Variants in KCNIP4 observed in about 807,000 individuals in gnomAD.
KCNIP4 encodes the protein potassium voltage-gated channel interacting protein 4, also known as Kv channel-interacting protein 4.
Under a neutral mutation model 34.0 loss-of-function variants are expected in KCNIP4, and 12 were observed. That is an observed-to-expected ratio of 0.35 (90% CI 0.23 to 0.57). KCNIP4 has a LOEUF of 0.57. Among genes scored for constraint, KCNIP4 ranks in the 20% least tolerant of loss-of-function variants. KCNIP4 has a pLI of 0.83. For synonymous variants in KCNIP4, 124 were observed against 102.2 expected, an observed-to-expected ratio of 1.21 and a Z score of -1.29; for missense variants, 238 against 311.7, an observed-to-expected ratio of 0.76 and a Z score of 1.78.
At chr4:21,030,163 A>G (rs1740892322) in intron 1 of KCNIP4, among the ~76,000 whole-genome samples, 3 of 152,120 alleles carry the variant, frequency 2.0e-5, no homozygotes, top group Admixed American at 6.5e-5. Context: ...GCAGCTCCCC[A>G]TGGCTTGCAT....
chr4:21,254,479 G>A (rs1213289208), intron 1 of KCNIP4, among the ~76,000 whole-genome samples: 3 of 152,026 alleles, frequency 2.0e-5, no homozygotes, highest in African/African-American at 7.2e-5. Flanking sequence ...AATAGGGCAC[G>A]GTTATGCATT....
chr4:21,929,448 A>G lies in KCNIP4; in HGVS notation c.61+19123T>C, dbSNP rs114134602. Among the ~76,000 whole-genome samples, 1,271 of 152,202 alleles carry G rather than the reference A, an allele frequency of 8.4e-3. 20 individuals carry two copies. The highest frequency in any genetic ancestry group is 0.029 in the African/African-American group (1,216 of 41,532). On this transcript the variant is annotated intron_variant, in intron 1 of 8. Transcript: ENST00000382152. Reference sequence around the variant, plus strand: ...TAAGTAGTTAAAATTGAAATAGCCAATTGCATCATGTGTCTATATGGCATA... The same window carrying G: ...TAAGTAGTTAAAATTGAAATAGCCAGTTGCATCATGTGTCTATATGGCATA...
rs546102840 is a variant in KCNIP4, at chr4:21,140,458, T to C, written c.62-257749A>G. Among the ~76,000 whole-genome samples, 156 of 152,268 alleles carry C rather than the reference T, an allele frequency of 1.0e-3. 1 individual carries two copies. The South Asian group carries it at 0.031, about 31-fold the overall frequency. The stretch of plus-strand genomic sequence containing the variant: ...TAGAGTACTTAATTAACTAATTAAC[T>C]AATGCATCTAAAAGGATTGCACAAT... On this transcript the variant is annotated intron_variant, in intron 1 of 8. Coordinates refer to ENST00000382152, the MANE Select transcript of KCNIP4 (RefSeq NM_025221.6).
intron 1 of KCNIP4, among the ~76,000 whole-genome samples, chr4:21,385,308 C>A (rs1721920880): frequency 6.6e-6 from 1 of 152,108 alleles, no homozygotes; most frequent in African/African-American, 2.4e-5. Context: ...AAGACAGAAC[C>A]ACCAGCAGGA....
At chr4:21,626,782 T>A (rs867874730) in intron 1 of KCNIP4, among the ~76,000 whole-genome samples, 1 of 152,128 alleles carries the variant, frequency 6.6e-6, no homozygotes, top group South Asian at 2.1e-4. Flanking sequence ...TGGGTTCTTT[T>A]TTCCCATTGA....
At chr4:21,567,532 T>C (rs1029625852) in intron 1 of KCNIP4, among the ~76,000 whole-genome samples, 4 of 152,134 alleles carry the variant, frequency 2.6e-5, no homozygotes, top group Non-Finnish European at 5.9e-5. Context: ...GTATACATAA[T>C]AAAAATTTAA....
At chr4:20,878,040 C>T (rs1389022579) in intron 2 of KCNIP4, among the ~76,000 whole-genome samples, 1 of 151,954 alleles carries the variant, frequency 6.6e-6, no homozygotes, top group Non-Finnish European at 1.5e-5. Flanking sequence ...TAAGAGCTCC[C>T]TCAATCAATA....
At chr4:21,751,663 A>G (rs7688144) in intron 1 of KCNIP4, among the ~76,000 whole-genome samples, 13,335 of 152,166 alleles carry the variant, frequency 0.088, 1,969 homozygotes, top group African/African-American at 0.31. Context: ...TTTTTATCTC[A>G]AAAAGAGACA....
intron 1 of KCNIP4, among the ~76,000 whole-genome samples, chr4:21,503,747 T>C (rs1229066111): frequency 6.6e-6 from 1 of 152,162 alleles, no homozygotes; most frequent in Non-Finnish European, 1.5e-5. Context: ...GGGACATAGT[T>C]TAGCATTAAT....
At chr4:21,573,369 T>C (rs746493116) in intron 1 of KCNIP4, among the ~76,000 whole-genome samples, 4 of 152,106 alleles carry the variant, frequency 2.6e-5, no homozygotes, top group African/African-American at 9.7e-5. Flanking sequence ...AATTTTCTGT[T>C]TTCATGCTCC....
intron 2 of KCNIP4, among the ~76,000 whole-genome samples, chr4:20,872,639 G>T (rs1401240832): frequency 1.3e-5 from 2 of 152,026 alleles, no homozygotes; most frequent in African/African-American, 2.4e-5. Flanking sequence ...AGGTTGTATA[G>T]CTCCTACGAG....
At chr4:21,356,435 A>G (rs1279978630) in intron 1 of KCNIP4, among the ~76,000 whole-genome samples, 2 of 152,160 alleles carry the variant, frequency 1.3e-5, no homozygotes, top group Non-Finnish European at 2.9e-5. Context: ...TCAGCCCAAA[A>G]TCTCCTTAAG....
At chr4:21,615,533 G>A (rs1168595225) in intron 1 of KCNIP4, among the ~76,000 whole-genome samples, 6 of 150,456 alleles carry the variant, frequency 4.0e-5, no homozygotes, top group East Asian at 4.0e-4. Context: ...GCTACAGGGC[G>A]AGACTCCGCC....
At chr4:21,662,336 C>T (rs1252561614) in intron 1 of KCNIP4, among the ~76,000 whole-genome samples, 1 of 152,068 alleles carries the variant, frequency 6.6e-6, no homozygotes, top group East Asian at 1.9e-4. Flanking sequence ...AAAAAATGTC[C>T]AAAGTCACAC....
intron 1 of KCNIP4, among the ~76,000 whole-genome samples, chr4:21,420,852 G>T (rs1202373219): frequency 6.6e-6 from 1 of 152,174 alleles, no homozygotes; most frequent in African/African-American, 2.4e-5. Context: ...TGAGTGAAGA[G>T]ACAGCCTATG....
intron 1 of KCNIP4, among the ~76,000 whole-genome samples, chr4:21,823,812 G>A (rs1222078113): frequency 6.6e-6 from 1 of 152,004 alleles, no homozygotes; most frequent in Non-Finnish European, 1.5e-5. Flanking sequence ...ATCCCTCTTG[G>A]TAAATCACAC....
rs11382765 is a variant in KCNIP4 at position 20,818,920 on chromosome 4, C to CTTT, written c.288+31620_288+31622dup. Among the ~76,000 whole-genome samples, 971 of 104,920 alleles carry CTTT rather than the reference C, an allele frequency of 9.3e-3. 3 individuals are homozygous for CTTT. The highest frequency in any genetic ancestry group is 0.011 in the African/African-American group (290 of 26,244). 68.8% of individuals were successfully genotyped at this position (104,920 alleles called of 152,430 possible). On this transcript the variant is annotated intron_variant, in intron 3 of 8. Coordinates refer to ENST00000382152, the MANE Select transcript of KCNIP4 (RefSeq NM_025221.6). ...GCTAGTCATTCTATATATATTATCTCTTTTTTTTTTTTTTTTTTTTTTGAG... is the reference window on the plus strand; with the variant it reads ...GCTAGTCATTCTATATATATTATCTCTTTTTTTTTTTTTTTTTTTTTTTTTGAG...
rs1290260484 is a variant in KCNIP4, at chr4:21,714,986, T to C, written c.61+233585A>G. 1.1e-3 allele frequency among the ~76,000 whole-genome samples: 2 copies of C among 1,784 alleles called. 1 individual carries two copies. Among genetic ancestry groups the C allele is most frequent in the Non-Finnish European group, 1.3e-3 (2 of 1,486 alleles). 1.2% of individuals were successfully genotyped at this position (1,784 alleles called of 152,430 possible). On this transcript the variant is annotated intron_variant, in intron 1 of 8. Coordinates refer to ENST00000382152, the MANE Select transcript of KCNIP4 (RefSeq NM_025221.6). ...TTTATTTTATTTTATTTTATTTTAT[T>C]TTATTTTATTTTATTTTATTTTATT...
At chr4:21,757,506 A>G (rs918104519) in intron 1 of KCNIP4, among the ~76,000 whole-genome samples, 5 of 152,130 alleles carry the variant, frequency 3.3e-5, no homozygotes, top group African/African-American at 1.2e-4. Flanking sequence ...CCTCCTCTCT[A>G]TATGCAATTT....
Sources: allele counts gnomAD v4.1 joint callset (sites outside exome capture counted in the v4.1 genomes callset), GRCh38; gene constraint gnomAD v4.1.1; transcripts MANE v1.5; gene names NCBI Gene and HGNC (gene_info 2026-07-23, HGNC 2026-07-21).